The following C8orf34 variants were observed in gnomAD, a reference collection of about 807,000 sequenced individuals.
C8orf34 encodes the protein chromosome 8 open reading frame 34, also known as uncharacterized protein C8orf34.
C8orf34 carries 65 observed loss-of-function variants against 68.3 expected under a neutral mutation model. The ratio of observed to expected loss-of-function variants is 0.95; its 90% CI spans 0.78 to 1.17. C8orf34 has a LOEUF of 1.17. C8orf34 is among the 50% of genes most tolerant of loss of function. The pLI is 0.00. For missense variants in C8orf34, 664 were observed against 655.4 expected (o/e 1.01, Z -0.14); for synonymous variants, 244 against 241.2 (o/e 1.01, Z -0.11).
chr8:68,621,314 T>C (rs977762126), intron 7 of C8orf34, among the ~76,000 whole-genome samples: 1 of 152,102 alleles, frequency 6.6e-6, no homozygotes, highest in Admixed American at 6.6e-5. Flanking sequence ...CAGAATATGT[T>C]TGTAAAAACC....
In C8orf34 at chr8:68,776,380, T is replaced by C. The variant is rs375876919; in HGVS notation, c.1405-19T>C. ...TCCTTCTCCTGACCTTTTCAACCTC[T>C]CTTCCTCTTTACTTCTAGGGAGAAG... On this transcript the variant is annotated intron_variant, in intron 10 of 13. Transcript: ENST00000518698. 1.4e-5 allele frequency: 23 copies of C among 1,604,496 alleles called. No individual in the cohort carries two copies. Among genetic ancestry groups the C allele is most frequent in the Admixed American group, 1.2e-4 (7 of 59,908 alleles).
chr8:68,480,600 C>T (rs536694333), intron 4 of C8orf34, among the ~76,000 whole-genome samples: 12 of 152,170 alleles, frequency 7.9e-5, no homozygotes, highest in African/African-American at 1.7e-4. Context: ...ACAAAAATAC[C>T]GATAGTGATA....
At chr8:68,658,590 C>T (rs1819579246) in intron 8 of C8orf34, among the ~76,000 whole-genome samples, 1 of 151,820 alleles carries the variant, frequency 6.6e-6, no homozygotes, top group South Asian at 2.1e-4. Flanking sequence ...AAATTTATTC[C>T]CTTCTATTTC....
At chr8:68,815,033 A>T (rs1051725692) in intron 12 of C8orf34, among the ~76,000 whole-genome samples, 1 of 152,180 alleles carries the variant, frequency 6.6e-6, no homozygotes, top group African/African-American at 2.4e-5. Context: ...TTGTTTGTGA[A>T]TCATCTAGAT....
intron 7 of C8orf34, among the ~76,000 whole-genome samples, chr8:68,628,755 A>G (rs1430827862): frequency 6.6e-6 from 1 of 152,176 alleles, no homozygotes; most frequent in Non-Finnish European, 1.5e-5. Context: ...GTGAAAATTC[A>G]CTCATCTCCC....
At chr8:68,785,471 C>A (rs1470352592) in intron 11 of C8orf34, among the ~76,000 whole-genome samples, 1 of 152,138 alleles carries the variant, frequency 6.6e-6, no homozygotes, top group Non-Finnish European at 1.5e-5. Flanking sequence ...TTAACCCGTA[C>A]TCCTATGGAA....
At chr8:68,479,439 G>T (rs1202933472) in intron 4 of C8orf34, among the ~76,000 whole-genome samples, 1 of 151,262 alleles carries the variant, frequency 6.6e-6, no homozygotes, top group Non-Finnish European at 1.5e-5. Flanking sequence ...GAGAGAGAAA[G>T]CAACAGAGAG....
At chr8:68,570,189 A>G (rs958461550) in intron 7 of C8orf34, among the ~76,000 whole-genome samples, 8 of 152,238 alleles carry the variant, frequency 5.3e-5, no homozygotes, top group African/African-American at 1.7e-4. Flanking sequence ...CAGCCAGTGC[A>G]TATAGATCTG....
chr8:68,521,498 C>A (rs955698529), intron 5 of C8orf34, among the ~76,000 whole-genome samples: 2 of 152,140 alleles, frequency 1.3e-5, no homozygotes, highest in African/African-American at 4.8e-5. Flanking sequence ...GCCCTGTTTA[C>A]AACACACTCT....
intron 10 of C8orf34, among the ~76,000 whole-genome samples, chr8:68,743,401 C>T (rs888367092): frequency 5.3e-5 from 8 of 152,138 alleles, no homozygotes; most frequent in African/African-American, 1.9e-4. Context: ...TCTACAGCTC[C>T]CAGCATGAGC....
Position 68,776,430 on chromosome 8 carries a change from T to C in C8orf34, c.1436T>C (p.Leu479Pro). The change falls in exon 11 of 14, where the codon CTG becomes CCG. Residue 479 changes from leucine to proline, a missense_variant. Coordinates refer to ENST00000518698, the MANE Select transcript of C8orf34 (RefSeq NM_052958.4). ...GCCTCCAGTGGAGTAGGACACTCAC[T>C]GAAAAACTACATGGAAGAAGTGAGT... ...GEASSGVGHS[L>P]KNYMEEDESL... 1 of 1,613,360 alleles carries C rather than the reference T, an allele frequency of 6.2e-7. No homozygotes were observed. Among genetic ancestry groups the C allele is most frequent in the Non-Finnish European group, 8.5e-7 (1 of 1,179,436 alleles).
At chr8:68,513,647 C>A (rs1166507480) in intron 5 of C8orf34, among the ~76,000 whole-genome samples, 2 of 152,190 alleles carry the variant, frequency 1.3e-5, no homozygotes, top group Admixed American at 6.5e-5. Flanking sequence ...GGTGAAGAAC[C>A]TTTTATTCTT....
chr8:68,509,774 A>G lies in C8orf34; in HGVS notation c.766-12025A>G, dbSNP rs115970530. ...CTGGGGTAAGTGAGGGAGAGAAGGA[A>G]GAGCATCCTCTTTCCCTCTTTCATC... On this transcript the variant is annotated intron_variant, in intron 5 of 13. Coordinates refer to ENST00000518698, the MANE Select transcript of C8orf34 (RefSeq NM_052958.4). Among the ~76,000 whole-genome samples the G allele has an allele frequency of 2.1e-3, 317 of 152,188 alleles. 1 individual carries two copies. The highest frequency in any genetic ancestry group is 7.3e-3 in the African/African-American group (301 of 41,516).
intron 9 of C8orf34, among the ~76,000 whole-genome samples, chr8:68,714,182 T>C (rs181486880): frequency 6.6e-6 from 1 of 152,092 alleles, no homozygotes; most frequent in Non-Finnish European, 1.5e-5. Flanking sequence ...TGGCCAACAT[T>C]ATACTGAACA....
At chr8:68,369,972 C>T (rs1807488410) in intron 1 of C8orf34, among the ~76,000 whole-genome samples, 1 of 152,150 alleles carries the variant, frequency 6.6e-6, no homozygotes, top group South Asian at 2.1e-4. Context: ...TTGTCCAGGA[C>T]ATTGTGATAT....
Position 68,468,795 on chromosome 8 carries a change from G to T in C8orf34, c.711G>T (p.Gly237=). Residue 237 remains glycine (G), a synonymous_variant, in exon 4 of 14, where the codon GGG becomes GGT. Coordinates refer to ENST00000518698, the MANE Select transcript of C8orf34 (RefSeq NM_052958.4). ...TCCTTCAGGAGAGCAAGAAGCTGGGGAAAGCCCTTGAGAATCTCTCTCGAA... is the reference window on the plus strand; with the variant it reads ...TCCTTCAGGAGAGCAAGAAGCTGGGTAAAGCCCTTGAGAATCTCTCTCGAA... ...NHILQESKKL[G]KALENLSRSI... The T allele has an allele frequency of 1.2e-6, 2 of 1,611,530 alleles. No homozygotes were observed. The highest frequency in any genetic ancestry group is 1.7e-6 in the Non-Finnish European group (2 of 1,178,770).
intron 3 of C8orf34, among the ~76,000 whole-genome samples, chr8:68,465,922 G>A (rs1379800279): frequency 9.9e-5 from 15 of 150,900 alleles, no homozygotes; most frequent in Non-Finnish European, 1.8e-4. Context: ...TGCACATTGT[G>A]CACATGTACC....
At chr8:68,561,547 A>G (rs1382508454) in intron 7 of C8orf34, among the ~76,000 whole-genome samples, 1 of 152,158 alleles carries the variant, frequency 6.6e-6, no homozygotes, top group Non-Finnish European at 1.5e-5. Flanking sequence ...TCCTGAGGTC[A>G]GTAGTTCAAG....
chr8:68,413,596 C>T (rs1809535992), intron 1 of C8orf34, among the ~76,000 whole-genome samples: 2 of 152,190 alleles, frequency 1.3e-5, no homozygotes, highest in Admixed American at 1.3e-4. Flanking sequence ...TTGTCCCATG[C>T]TATGGTGAAT....
Sources: gnomAD v4.1 joint callset for allele counts (sites outside exome capture counted in the v4.1 genomes callset) on GRCh38, gnomAD v4.1.1 for gene constraint, MANE v1.5 for transcripts, NCBI Gene and HGNC (gene_info 2026-07-23, HGNC 2026-07-21) for gene names.